MAP3K4: variants seen among roughly 807,000 people sequenced by gnomAD.
MAP3K4 encodes the protein MAP three kinase 1.
A neutral mutation model predicts 185.6 loss-of-function variants in MAP3K4; 67 were observed. The observed-to-expected ratio is 0.36, with a 90% CI of 0.30 to 0.44. MAP3K4 has a LOEUF of 0.44. MAP3K4 is among the 20% of genes least tolerant of loss of function. The pLI is 1.00. For synonymous variants in MAP3K4, 702 were observed against 710.4 expected (o/e 0.99, Z 0.19); for missense variants, 1,551 against 1,995.1 (o/e 0.78, Z 4.24).
chr6:161,014,987 AT>A (rs1244914163), intron 1 of MAP3K4, among the ~76,000 whole-genome samples: 1 of 152,196 alleles, frequency 6.6e-6, no homozygotes, highest in Non-Finnish European at 1.5e-5. Flanking sequence ...TATTCTGAAC[AT>A]TTTATATAAA....
At chr6:161,094,200 T>C (rs1562535794) in intron 15 of MAP3K4, among the ~76,000 whole-genome samples, 1 of 152,238 alleles carries the variant, frequency 6.6e-6, no homozygotes, top group Admixed American at 6.5e-5. Context: ...CAACAGGAAC[T>C]GCCCCTGCTG....
rs1198513705 is a variant in MAP3K4 at position 161,022,564 on chromosome 6, A to G, written c.153-11695A>G. On this transcript the variant is annotated intron_variant, in intron 1 of 26. Coordinates refer to ENST00000392142, the MANE Select transcript of MAP3K4 (RefSeq NM_005922.4). This position sits in a 1 kb window ranked among gnomAD's most constrained non-coding sequence, Gnocchi z 4.2. Reference sequence around the variant, plus strand: ...TCCACCTGGAGGGACTTTGTCCCACAGGAGAAGTGATCCTTATCAGTGTGA... The same window carrying G: ...TCCACCTGGAGGGACTTTGTCCCACGGGAGAAGTGATCCTTATCAGTGTGA... 1.3e-5 allele frequency among the ~76,000 whole-genome samples: 2 copies of G among 152,208 alleles called. No individual in the cohort carries two copies. The highest frequency in any genetic ancestry group is 2.4e-5 in the African/African-American group (1 of 41,440).
intron 2 of MAP3K4, among the ~76,000 whole-genome samples, chr6:161,036,029 T>A (rs906826598): frequency 7.2e-5 from 11 of 152,222 alleles, no homozygotes; most frequent in Non-Finnish European, 8.8e-5. Flanking sequence ...CAACAGTGTT[T>A]ACGCTTATCC....
intron 1 of MAP3K4, among the ~76,000 whole-genome samples, chr6:161,027,855 G>A (rs1446563900): frequency 1.3e-5 from 2 of 152,220 alleles, no homozygotes; most frequent in Non-Finnish European, 2.9e-5. Context: ...TGGCTGCAGA[G>A]CAGGGACAAA....
chr6:161,095,122 A>G (rs1777510499), intron 15 of MAP3K4, among the ~76,000 whole-genome samples: 1 of 152,072 alleles, frequency 6.6e-6, no homozygotes, highest in Non-Finnish European at 1.5e-5. Flanking sequence ...TATGCCTGCC[A>G]CTCCAAACTG....
intron 3 of MAP3K4, among the ~76,000 whole-genome samples, chr6:161,066,743 C>T (rs958817795): frequency 1.3e-5 from 2 of 152,150 alleles, no homozygotes; most frequent in South Asian, 2.1e-4. Context: ...ACATACCAAG[C>T]TCCTCCAGCA....
chr6:161,102,293 A>G (rs1355073534), intron 18 of MAP3K4, among the ~76,000 whole-genome samples: 1 of 152,226 alleles, frequency 6.6e-6, no homozygotes, highest in African/African-American at 2.4e-5. Flanking sequence ...TCATTTAAAA[A>G]ATACAAAAGT....
rs1781889602 is a variant in MAP3K4 at position 161,012,357 on chromosome 6, T to C, written c.152+20274T>C. Among the ~76,000 whole-genome samples the C allele has an allele frequency of 2.0e-5, 3 of 152,214 alleles. No homozygotes were observed. The South Asian group carries it at 6.2e-4, about 32-fold the overall frequency. ...TCAAGTGGTGTTTCTCTTGGGAATA[T>C]TCCCGTACTCCCCAGCCAGATAATC... On this transcript the variant is annotated intron_variant, in intron 1 of 26. Coordinates refer to ENST00000392142, the MANE Select transcript of MAP3K4 (RefSeq NM_005922.4).
intron 19 of MAP3K4, among the ~76,000 whole-genome samples, chr6:161,104,473 G>A (rs1420657622): frequency 1.3e-5 from 2 of 151,854 alleles, no homozygotes; most frequent in African/African-American, 4.8e-5. Flanking sequence ...CAGCACTTTG[G>A]GAGGCCAAGG....
In MAP3K4 at chr6:161,096,525, A is replaced by T. The variant is rs1423152206; in HGVS notation, c.3428-555A>T. On this transcript the variant is annotated intron_variant, in intron 15 of 26. Transcript: ENST00000392142. This position sits in a 1 kb window ranked among gnomAD's most constrained non-coding sequence, Gnocchi z 4.9. ...AAATTTTATCTAGTTTTAAATTTTT[A>T]TTTTAAATTTTATTCATATTTACCT... 6.6e-6 allele frequency among the ~76,000 whole-genome samples: 1 copy of T among 152,112 alleles called. No homozygotes were observed. The highest frequency in any genetic ancestry group is 2.4e-5 in the African/African-American group (1 of 41,448).
chr6:161,023,059 G>A (rs1009386147), intron 1 of MAP3K4, among the ~76,000 whole-genome samples: 5 of 151,934 alleles, frequency 3.3e-5, no homozygotes, highest in Admixed American at 1.3e-4. Context: ...TTGAGTCTTC[G>A]TTCATCTGTC....
At chr6:161,028,676 A>G (rs574121259) in intron 1 of MAP3K4, among the ~76,000 whole-genome samples, 1 of 152,078 alleles carries the variant, frequency 6.6e-6, no homozygotes, top group African/African-American at 2.4e-5. Flanking sequence ...TTTTAAATCT[A>G]CATTTGTTTT....
chr6:161,014,737 A>G (rs1782006517), intron 1 of MAP3K4, among the ~76,000 whole-genome samples: 1 of 152,218 alleles, frequency 6.6e-6, no homozygotes, highest in Non-Finnish European at 1.5e-5. Context: ...CTTTACTTAT[A>G]TTTTAGATAG....
In MAP3K4 at chr6:161,101,971, A is replaced by G. The variant is rs2114896161; in HGVS notation, c.3754A>G (p.Ser1252Gly). The G allele has an allele frequency of 2.5e-6, 4 of 1,614,090 alleles. No homozygotes were observed. Among genetic ancestry groups the G allele is most frequent in the Non-Finnish European group, 3.4e-6 (4 of 1,179,954 alleles). ...GTTTAGGTCCCTGAGTCGTCACTCA[A>G]GCCCCACGGAGGAGCGAGATGGTGA... Reference protein sequence around the residue: ...LQFRSLSRHSSPTEERDEPAY... With the variant: ...LQFRSLSRHSGPTEERDEPAY... Residue 1252 changes from serine (S) to glycine (G), a missense_variant, in exon 18 of 27, where the codon AGC (serine) becomes GGC (glycine). Around this residue, in one of 16 missense-constraint regions of MAP3K4, gnomAD observed 272 missense variants for 301.2 expected, o/e 0.90. Transcript: ENST00000392142. The surrounding 1 kb of genome is among the most constrained non-coding windows in gnomAD (Gnocchi z 5.1).
chr6:161,027,517 T>C (rs969323023), intron 1 of MAP3K4, among the ~76,000 whole-genome samples: 22 of 152,168 alleles, frequency 1.4e-4, no homozygotes, highest in African/African-American at 5.3e-4. Context: ...GAAAAATCGC[T>C]CTACAAAAGT....
chr6:161,096,854 T>G lies in MAP3K4; in HGVS notation c.3428-226T>G. On this transcript the variant is annotated intron_variant, in intron 15 of 26. Coordinates refer to ENST00000392142, the MANE Select transcript of MAP3K4 (RefSeq NM_005922.4). This position sits in a 1 kb window ranked among gnomAD's most constrained non-coding sequence, Gnocchi z 4.9. ...TACTCCAGGATTTTTAAAAATGTTTTTTGATGGAGAAAACTGTTAATATAT... is the reference window on the plus strand; with the variant it reads ...TACTCCAGGATTTTTAAAAATGTTTGTTGATGGAGAAAACTGTTAATATAT... 1 of 429,332 alleles carries G rather than the reference T, an allele frequency of 2.3e-6. No homozygotes were observed. Among genetic ancestry groups the G allele is most frequent in the Non-Finnish European group, 4.2e-6 (1 of 240,704 alleles). 26.6% of individuals were successfully genotyped at this position (429,332 alleles called of 1,614,324 possible).
chr6:161,014,263 C>T (rs921414215), intron 1 of MAP3K4, among the ~76,000 whole-genome samples: 2 of 152,148 alleles, frequency 1.3e-5, no homozygotes, highest in Non-Finnish European at 2.9e-5. Context: ...CCCTTTTGTA[C>T]CACTGGGTAT....
rs1783980761 is a variant in MAP3K4, at chr6:161,051,045, G to T, written c.1707+1066G>T. On this transcript the variant is annotated intron_variant, in intron 3 of 26. Transcript: ENST00000392142. This position sits in a 1 kb window ranked among gnomAD's most constrained non-coding sequence, Gnocchi z 4.2. ...CTCGAGATTATGTGTAATGCCTTATGTAATATAAATGCTGTGTAAATGGTT... is the reference window on the plus strand; with the variant it reads ...CTCGAGATTATGTGTAATGCCTTATTTAATATAAATGCTGTGTAAATGGTT... 6.6e-6 allele frequency among the ~76,000 whole-genome samples: 1 copy of T among 152,180 alleles called. No homozygotes were observed. Among genetic ancestry groups the T allele is most frequent in the Admixed American group, 6.5e-5 (1 of 15,282 alleles).
At position 161,049,109 on chromosome 6, in the gene MAP3K4, C is replaced by G; in HGVS notation, c.837C>G (p.Asp279Glu). The change falls in exon 3 of 27, where the codon GAC (aspartate) becomes GAG (glutamate). Residue 279 changes from aspartate (D) to glutamate (E), a missense_variant. By Grantham distance (45) the Asp-to-Glu change is conservative. Around this residue, in one of 16 missense-constraint regions of MAP3K4, gnomAD observed 69 missense variants for 124.8 expected, o/e 0.55. Coordinates refer to ENST00000392142, the MANE Select transcript of MAP3K4 (RefSeq NM_005922.4). The surrounding 1 kb of genome is among the most constrained non-coding windows in gnomAD (Gnocchi z 8.4). ...QAWHAGRTINDQDFFLYTARQ... is the reference protein window; with the variant it reads ...QAWHAGRTINEQDFFLYTARQ... ...GGCATGCAGGACGGACAATTAACGA[C>G]CAGGACTTCTTTTTATATACAGCCC... The G allele has an allele frequency of 6.2e-7, 1 of 1,614,132 alleles. No individual in the cohort carries two copies. Among genetic ancestry groups the G allele is most frequent in the Non-Finnish European group, 8.5e-7 (1 of 1,180,022 alleles).
Sources: gnomAD v4.1 joint callset for allele counts (sites outside exome capture counted in the v4.1 genomes callset) on GRCh38, gnomAD v4.1.1 for gene constraint, gnomAD v4.1.1 regional missense constraint, Gnocchi (gnomAD v3.1) non-coding constraint, MANE v1.5 for transcripts, NCBI Gene and HGNC (gene_info 2026-07-23, HGNC 2026-07-21) for gene names.